The following FBXL7 variants were observed in gnomAD, a reference collection of about 807,000 sequenced individuals.
FBXL7 encodes the protein F-box/LRR-repeat protein 7.
A neutral mutation model predicts 38.3 loss-of-function variants in FBXL7; 12 were observed. That is an observed-to-expected ratio of 0.31 (90% CI 0.20 to 0.51). The LOEUF (loss-of-function observed/expected upper bound fraction) is 0.51, where lower values mean the gene tolerates loss of function less well. Among genes scored for constraint, FBXL7 ranks in the 20% least tolerant of loss-of-function variants. The pLI, the probability that FBXL7 is intolerant of heterozygous loss-of-function variation, is 0.98. For missense variants in FBXL7, 567 were observed against 676.4 expected, an observed-to-expected ratio of 0.84 and a Z score of 1.79; for synonymous variants, 297 against 300.9, an observed-to-expected ratio of 0.99 and a Z score of 0.13.
intron 1 of FBXL7, among the ~76,000 whole-genome samples, chr5:15,514,804 A>G (rs1736891175): frequency 6.6e-6 from 1 of 152,018 alleles, no homozygotes; most frequent in Admixed American, 6.6e-5. Context: ...TCCAGAAATT[A>G]CTCTCATCCA....
chr5:15,912,701 A>T (rs1415232369), intron 2 of FBXL7, among the ~76,000 whole-genome samples: 2 of 151,972 alleles, frequency 1.3e-5, no homozygotes, highest in East Asian at 1.9e-4. Flanking sequence ...AACTAAGATG[A>T]TCACTCTAGA....
chr5:15,778,439 A>T (rs1736912053), intron 2 of FBXL7, among the ~76,000 whole-genome samples: 1 of 152,022 alleles, frequency 6.6e-6, no homozygotes, highest in African/African-American at 2.4e-5. Flanking sequence ...TTAAATAAAA[A>T]CCTGGAGAGC....
chr5:15,797,505 T>C (rs2126737597), intron 2 of FBXL7, among the ~76,000 whole-genome samples: 1 of 152,354 alleles, frequency 6.6e-6, no homozygotes, highest in East Asian at 1.9e-4. Flanking sequence ...TGATGCTCTC[T>C]TGTTCCATAG....
chr5:15,533,600 A>T (rs1019745518), intron 1 of FBXL7, among the ~76,000 whole-genome samples: 1 of 152,226 alleles, frequency 6.6e-6, no homozygotes, highest in Non-Finnish European at 1.5e-5. Flanking sequence ...TCACATCAGA[A>T]TATCGGAGAA....
chr5:15,671,310 G>T (rs1742465251), intron 2 of FBXL7, among the ~76,000 whole-genome samples: 1 of 152,190 alleles, frequency 6.6e-6, no homozygotes, highest in Non-Finnish European at 1.5e-5. Context: ...CCCTTCTTCA[G>T]TATAAATCGA....
At chr5:15,876,860 G>T (rs530193742) in intron 2 of FBXL7, among the ~76,000 whole-genome samples, 1 of 152,292 alleles carries the variant, frequency 6.6e-6, no homozygotes, top group East Asian at 1.9e-4. Flanking sequence ...ATTTATCAGT[G>T]TGAGGCACTG....
intron 2 of FBXL7, among the ~76,000 whole-genome samples, chr5:15,631,558 A>C (rs934358976): frequency 1.3e-5 from 2 of 149,128 alleles, no homozygotes; most frequent in African/African-American, 4.9e-5. Context: ...TTAGCCAGGC[A>C]TGGGACAGGA....
At chr5:15,581,676 T>G (rs918701387) in intron 1 of FBXL7, among the ~76,000 whole-genome samples, 1 of 152,220 alleles carries the variant, frequency 6.6e-6, no homozygotes, top group Non-Finnish European at 1.5e-5. Context: ...ATTCTCAGAC[T>G]TTGGTCTTAT....
At chr5:15,531,139 A>G (rs1022642760) in intron 1 of FBXL7, among the ~76,000 whole-genome samples, 2 of 152,316 alleles carry the variant, frequency 1.3e-5, no homozygotes, top group Admixed American at 1.3e-4. Flanking sequence ...CGAACAATAT[A>G]TATGTCCAAA....
intron 1 of FBXL7, among the ~76,000 whole-genome samples, chr5:15,570,999 G>A (rs748742561): frequency 1.5e-4 from 22 of 151,558 alleles, no homozygotes; most frequent in Non-Finnish European, 2.8e-4. Flanking sequence ...GGCTGAGGCA[G>A]GAGAATTGTT....
chr5:15,690,694 AG>A (rs1161126536), intron 2 of FBXL7, among the ~76,000 whole-genome samples: 1 of 152,186 alleles, frequency 6.6e-6, no homozygotes, highest in Non-Finnish European at 1.5e-5. Flanking sequence ...CAAACAGAAA[AG>A]GATAAATATT....
At chr5:15,756,515 A>G (rs370888436) in intron 2 of FBXL7, among the ~76,000 whole-genome samples, 6 of 152,304 alleles carry the variant, frequency 3.9e-5, no homozygotes, top group African/African-American at 1.4e-4. Flanking sequence ...ATTAGTAACT[A>G]TGGCACTTGC....
intron 2 of FBXL7, among the ~76,000 whole-genome samples, chr5:15,840,385 G>A (rs958519906): frequency 6.6e-5 from 10 of 152,148 alleles, no homozygotes; most frequent in Admixed American, 6.5e-4. Flanking sequence ...GTTAAGAATA[G>A]AGCTTAGCTT....
At chr5:15,764,468 G>C (rs1011320796) in intron 2 of FBXL7, among the ~76,000 whole-genome samples, 1 of 152,174 alleles carries the variant, frequency 6.6e-6, no homozygotes, top group African/African-American at 2.4e-5. Flanking sequence ...GAAGTAAGAA[G>C]GGAAAAGGAA....
chr5:15,869,307 G>A (rs1159336180), intron 2 of FBXL7, among the ~76,000 whole-genome samples: 1 of 152,164 alleles, frequency 6.6e-6, no homozygotes. Context: ...CAGGAAGCAG[G>A]CATTTGGGGG....
At chr5:15,866,874 G>T (rs981655253) in intron 2 of FBXL7, among the ~76,000 whole-genome samples, 2 of 151,974 alleles carry the variant, frequency 1.3e-5, no homozygotes, top group South Asian at 4.2e-4. Context: ...GTCTTCCATG[G>T]TGTATATGTA....
At chr5:15,756,897 C>A (rs2126693142) in intron 2 of FBXL7, among the ~76,000 whole-genome samples, 1 of 152,198 alleles carries the variant, frequency 6.6e-6, no homozygotes, top group South Asian at 2.1e-4. Flanking sequence ...AAAAGATATT[C>A]CAAATTCAAA....
intron 2 of FBXL7, among the ~76,000 whole-genome samples, chr5:15,850,619 T>C (rs10061247): frequency 0.042 from 6,355 of 152,328 alleles, 447 homozygotes; most frequent in African/African-American, 0.14. Flanking sequence ...CTGCTAGGCA[T>C]TGTGGCAAGT....
chr5:15,582,389 C>T (rs896945013), intron 1 of FBXL7, among the ~76,000 whole-genome samples: 4 of 152,178 alleles, frequency 2.6e-5, no homozygotes, highest in Admixed American at 6.5e-5. Flanking sequence ...ATTTGATCTT[C>T]TCTGTTCTTG....
Sources: allele counts gnomAD v4.1 joint callset (sites outside exome capture counted in the v4.1 genomes callset), GRCh38; gene constraint gnomAD v4.1.1; transcripts MANE v1.5; gene names NCBI Gene and HGNC (gene_info 2026-07-23, HGNC 2026-07-21).